ADAM22: variants seen among roughly 807,000 people sequenced by gnomAD.
ADAM22 encodes the protein ADAM metallopeptidase domain 22, also known as disintegrin and metalloproteinase domain-containing protein 22.
A neutral mutation model predicts 144.6 loss-of-function variants in ADAM22; 65 were observed. The ratio of observed to expected loss-of-function variants is 0.45; its 90% CI spans 0.37 to 0.55. The LOEUF (loss-of-function observed/expected upper bound fraction) is 0.55, where lower values mean the gene tolerates loss of function less well. Ranked by LOEUF, ADAM22 falls within the 20% of genes least tolerant of loss-of-function variation. The pLI, the probability that ADAM22 is intolerant of heterozygous loss-of-function variation, is 0.00. For missense variants in ADAM22, 974 were observed against 1,184.9 expected (o/e 0.82, Z 2.61); for synonymous variants, 391 against 412.6 (o/e 0.95, Z 0.63).
intron 6 of ADAM22, 83 bp downstream of exon 6, chr7:88,114,730 T>A: frequency 7.7e-7 from 1 of 1,294,386 alleles, no homozygotes; most frequent in Non-Finnish European, 1.1e-6. Flanking sequence ...ATCTCTACTT[T>A]ATTTCATTTT....
chr7:88,021,487 A>G (rs920825592), intron 3 of ADAM22, among the ~76,000 whole-genome samples: 1 of 152,218 alleles, frequency 6.6e-6, no homozygotes, highest in African/African-American at 2.4e-5. Flanking sequence ...GACACTTTGT[A>G]TACTCCATTT....
chr7:88,122,184 C>G (rs888369491), intron 7 of ADAM22, among the ~76,000 whole-genome samples: 1 of 152,192 alleles, frequency 6.6e-6, no homozygotes, highest in African/African-American at 2.4e-5. Context: ...TGGTTTCTTG[C>G]TGGCTTTTGG....
intron 2 of ADAM22, among the ~76,000 whole-genome samples, chr7:87,961,338 C>T (rs1301123661): frequency 6.6e-6 from 1 of 152,092 alleles, no homozygotes. Context: ...GGAAACTGTT[C>T]TGGGAGGAAA....
chr7:88,041,459 A>G (rs1454566309), intron 3 of ADAM22, among the ~76,000 whole-genome samples: 1 of 151,642 alleles, frequency 6.6e-6, no homozygotes, highest in East Asian at 1.9e-4. Flanking sequence ...TATATTTTAT[A>G]TATATAAAAA....
chr7:87,956,825 A>T (rs983459996), intron 2 of ADAM22, among the ~76,000 whole-genome samples: 7 of 152,186 alleles, frequency 4.6e-5, no homozygotes, highest in African/African-American at 1.7e-4. Context: ...ATTTTGATGG[A>T]CATTTGAGTT....
chr7:88,083,913 G>A (rs968900676), intron 4 of ADAM22, among the ~76,000 whole-genome samples: 1 of 150,594 alleles, frequency 6.6e-6, no homozygotes, highest in Non-Finnish European at 1.5e-5. Flanking sequence ...TTATAGTTGG[G>A]AAAAAAAAAT....
In ADAM22 at chr7:87,991,813, A is replaced by G. The variant is rs1207131911; in HGVS notation, c.323+13401A>G. Among the ~76,000 whole-genome samples the G allele has an allele frequency of 2.6e-5, 4 of 152,248 alleles. No homozygotes were observed. In the East Asian group the frequency reaches 7.7e-4, roughly 29 times the overall value. On this transcript the variant is annotated intron_variant, in intron 3 of 31. Coordinates refer to ENST00000413139, the MANE Select transcript of ADAM22 (RefSeq NM_001324418.2). ...CAGAAATAGCTATTTTTAGAATGCC[A>G]TGGTAGTTAACCATAGTAAGTTTGA...
rs1270564455 is a variant in ADAM22, at chr7:88,155,956, T to A, written c.1857T>A (p.Gly619=). ...GNIPRLGELD[G]EITSTLVVQQ... is the part of the protein sequence containing the mutation. Reference sequence around the variant, plus strand: ...TCCCAAGGCTTGGAGAACTCGATGGTGAAATCACATCTACTTTAGTTGTGC... The same window carrying A: ...TCCCAAGGCTTGGAGAACTCGATGGAGAAATCACATCTACTTTAGTTGTGC... The change falls in exon 22 of 32, where the codon GGT becomes GGA. Residue 619 remains glycine (G), a synonymous_variant. Transcript: ENST00000413139. 2 of 1,613,290 alleles carry A rather than the reference T, an allele frequency of 1.2e-6. No homozygotes were observed. The highest frequency in any genetic ancestry group is 3.3e-5 in the Admixed American group (2 of 59,904).
chr7:88,133,906 A>G (rs1832413006), intron 12 of ADAM22, among the ~76,000 whole-genome samples: 1 of 152,226 alleles, frequency 6.6e-6, no homozygotes, highest in Admixed American at 6.5e-5. Context: ...GCTACATTCT[A>G]TTCCACTTGA....
intron 3 of ADAM22, among the ~76,000 whole-genome samples, chr7:88,040,518 A>G (rs138139168): frequency 3.9e-5 from 6 of 152,204 alleles, no homozygotes; most frequent in African/African-American, 1.4e-4. Context: ...GGTTCTGTCT[A>G]TACTTCCCCT....
At chr7:88,034,836 C>T (rs1305011516) in intron 3 of ADAM22, among the ~76,000 whole-genome samples, 1 of 152,150 alleles carries the variant, frequency 6.6e-6, no homozygotes, top group Non-Finnish European at 1.5e-5. Flanking sequence ...TTGCTGTGCT[C>T]TCCCTTGCCT....
chr7:88,031,620 T>C (rs182262346), intron 3 of ADAM22, among the ~76,000 whole-genome samples: 2 of 152,242 alleles, frequency 1.3e-5, no homozygotes, highest in African/African-American at 4.8e-5. Flanking sequence ...CTTCTTACCA[T>C]GTATGCTCAG....
Position 88,038,991 on chromosome 7 carries a change from G to A in ADAM22, c.324-36635G>A, listed in dbSNP as rs556249984. Among the ~76,000 whole-genome samples the A allele has an allele frequency of 7.2e-5, 11 of 151,826 alleles. No homozygotes were observed. In the East Asian group the frequency reaches 2.1e-3, roughly 30 times the overall value. ...AGGTTGGTTTTCACTATGTTGCCCA[G>A]GCTGGTCTCAGACTTCTGGGCTCAA... On this transcript the variant is annotated intron_variant, in intron 3 of 31. Transcript: ENST00000413139.
chr7:88,103,564 T>G (rs1347331080), intron 4 of ADAM22, among the ~76,000 whole-genome samples: 1 of 152,114 alleles, frequency 6.6e-6, no homozygotes, highest in Non-Finnish European at 1.5e-5. Flanking sequence ...TGTACTTTTA[T>G]GGCTATGTTA....
At chr7:87,955,607 G>T (rs1408818824) in intron 2 of ADAM22, among the ~76,000 whole-genome samples, 1 of 152,186 alleles carries the variant, frequency 6.6e-6, no homozygotes, top group Non-Finnish European at 1.5e-5. Flanking sequence ...GAGGCAGTCT[G>T]CCCGTTCTCA....
intron 3 of ADAM22, among the ~76,000 whole-genome samples, chr7:87,990,246 G>A (rs1201673298): frequency 6.6e-6 from 1 of 152,210 alleles, no homozygotes; most frequent in Non-Finnish European, 1.5e-5. Context: ...GGTATGGCCA[G>A]TGGCACTGGG....
At chr7:88,081,977 G>GA (rs1251316924) in intron 4 of ADAM22, among the ~76,000 whole-genome samples, 3 of 151,854 alleles carry the variant, frequency 2.0e-5, no homozygotes, top group African/African-American at 7.3e-5. Flanking sequence ...CACAGAATTG[G>GA]AAAAAACTAC....
chr7:88,152,166 C>T (rs542437569), intron 20 of ADAM22, among the ~76,000 whole-genome samples: 51 of 151,934 alleles, frequency 3.4e-4, no homozygotes, highest in Non-Finnish European at 6.2e-4. Flanking sequence ...GTTTGTACTC[C>T]GAAAAAAGAT....
At chr7:88,141,403 A>G (rs1834586560) in intron 14 of ADAM22, among the ~76,000 whole-genome samples, 1 of 152,234 alleles carries the variant, frequency 6.6e-6, no homozygotes, top group African/African-American at 2.4e-5. Context: ...AGTTTAGGGT[A>G]AATAATCATT....
Sources: gnomAD v4.1 joint callset for allele counts (sites outside exome capture counted in the v4.1 genomes callset) on GRCh38, gnomAD v4.1.1 for gene constraint, MANE v1.5 for transcripts, NCBI Gene and HGNC (gene_info 2026-07-23, HGNC 2026-07-21) for gene names.